Variants in CACNA2D3 observed in about 807,000 individuals in gnomAD.
CACNA2D3 encodes voltage-dependent calcium channel subunit alpha-2/delta-3.
A neutral mutation model predicts 160.6 loss-of-function variants in CACNA2D3; 60 were observed. The ratio of observed to expected loss-of-function variants is 0.37; its 90% CI spans 0.30 to 0.46. The LOEUF is 0.46. Ranked by LOEUF, CACNA2D3 falls within the 20% of genes least tolerant of loss-of-function variation. The pLI is 1.00. For synonymous variants in CACNA2D3, 558 were observed against 492.9 expected (o/e 1.13, Z -1.75); for missense variants, 1,205 against 1,365.0 (o/e 0.88, Z 1.85).
intron 2 of CACNA2D3, among the ~76,000 whole-genome samples, chr3:54,130,730 A>T (rs1281989529): frequency 1.3e-5 from 2 of 152,216 alleles, no homozygotes; most frequent in Non-Finnish European, 2.9e-5. Flanking sequence ...TTCTGACCTT[A>T]GTTCCTATTT....
At chr3:55,025,565 C>T (rs529585783) in intron 35 of CACNA2D3, among the ~76,000 whole-genome samples, 5 of 132,614 alleles carry the variant, frequency 3.8e-5, no homozygotes, top group South Asian at 5.1e-4. Context: ...ACCCAGGAGG[C>T]GGAGGTTGCA....
intron 2 of CACNA2D3, among the ~76,000 whole-genome samples, chr3:54,315,070 G>A (rs1703830723): frequency 6.6e-6 from 1 of 152,208 alleles, no homozygotes; most frequent in South Asian, 2.1e-4. Context: ...ACAGCTGTGT[G>A]GAGAGGCAAA....
intron 2 of CACNA2D3, among the ~76,000 whole-genome samples, chr3:54,273,349 T>C (rs1168712931): frequency 1.3e-5 from 2 of 152,180 alleles, no homozygotes; most frequent in East Asian, 1.9e-4. Context: ...TCCCTCTCCT[T>C]CTTTGTCTCT....
At chr3:54,403,840 A>G (rs1047680967) in intron 4 of CACNA2D3, among the ~76,000 whole-genome samples, 1 of 152,202 alleles carries the variant, frequency 6.6e-6, no homozygotes, top group Non-Finnish European at 1.5e-5. Flanking sequence ...AAAAAGCTTC[A>G]TAAGTAACTA....
At chr3:54,159,000 G>A (rs775007169) in intron 2 of CACNA2D3, among the ~76,000 whole-genome samples, 11 of 152,204 alleles carry the variant, frequency 7.2e-5, no homozygotes, top group Non-Finnish European at 1.0e-4. Flanking sequence ...TAAGAGTCAC[G>A]TGTCTGTTCA....
intron 2 of CACNA2D3, among the ~76,000 whole-genome samples, chr3:54,295,520 G>A (rs1270777879): frequency 6.6e-6 from 1 of 152,194 alleles, no homozygotes; most frequent in African/African-American, 2.4e-5. Context: ...CCTTGGTTCA[G>A]TCTGGAAAGA....
intron 27 of CACNA2D3, chr3:54,925,367 G>T: frequency 1.6e-6 from 1 of 644,238 alleles, no homozygotes; most frequent in East Asian, 2.7e-5. Flanking sequence ...ACCGTCTTTA[G>T]TAGAGCCAGG....
At chr3:54,947,516 A>G (rs1701645089) in intron 27 of CACNA2D3, among the ~76,000 whole-genome samples, 1 of 152,068 alleles carries the variant, frequency 6.6e-6, no homozygotes, top group Admixed American at 6.5e-5. Flanking sequence ...GAGAACCTAT[A>G]CTGTTGAGTC....
At chr3:54,284,198 C>T (rs1350233626) in intron 2 of CACNA2D3, among the ~76,000 whole-genome samples, 1 of 152,086 alleles carries the variant, frequency 6.6e-6, no homozygotes, top group Admixed American at 6.5e-5. Flanking sequence ...AGCACACCAA[C>T]ATGGCACATG....
chr3:54,765,737 A>G (rs1422213037), intron 13 of CACNA2D3, among the ~76,000 whole-genome samples: 1 of 152,208 alleles, frequency 6.6e-6, no homozygotes, highest in African/African-American at 2.4e-5. Context: ...TATAAGACAC[A>G]GTTTCTACAA....
At chr3:54,674,126 A>G (rs997136995) in intron 11 of CACNA2D3, among the ~76,000 whole-genome samples, 1 of 152,210 alleles carries the variant, frequency 6.6e-6, no homozygotes, top group Non-Finnish European at 1.5e-5. Flanking sequence ...TGTTGAAACT[A>G]TTTGGGAGCA....
At chr3:54,790,235 T>C (rs1010522846) in intron 13 of CACNA2D3, among the ~76,000 whole-genome samples, 1 of 152,180 alleles carries the variant, frequency 6.6e-6, no homozygotes, top group Non-Finnish European at 1.5e-5. Flanking sequence ...TAATGATAGA[T>C]ACTGCCTGGC....
chr3:54,573,485 A>G lies in CACNA2D3; in HGVS notation c.888+3381A>G, dbSNP rs148343096. ...AGTCTTTTCGCAAAAATGGATTCAT[A>G]TTTTACAGAATATTCAGCAACTCTT... is the stretch of plus-strand genomic sequence containing the variant. On this transcript the variant is annotated intron_variant, in intron 8 of 37. Coordinates refer to ENST00000474759, the MANE Select transcript of CACNA2D3 (RefSeq NM_018398.3). Among the ~76,000 whole-genome samples the G allele has an allele frequency of 5.0e-3, 765 of 152,314 alleles. 24 individuals carry two copies. Among genetic ancestry groups the G allele is most frequent in the Admixed American group, 0.044 (668 of 15,300 alleles).
chr3:54,898,904 GCT>G (rs1045663563), intron 26 of CACNA2D3, among the ~76,000 whole-genome samples: 1 of 152,188 alleles, frequency 6.6e-6, no homozygotes, highest in Admixed American at 6.5e-5. Context: ...CTGTGGTGGA[GCT>G]CTCTCTGATT....
intron 2 of CACNA2D3, among the ~76,000 whole-genome samples, chr3:54,133,336 C>T (rs1179031227): frequency 1.3e-5 from 2 of 152,280 alleles, no homozygotes; most frequent in Non-Finnish European, 2.9e-5. Context: ...TAACTTTGCC[C>T]CAGGCTACAT....
chr3:55,073,981 A>T, intron 37 of CACNA2D3, 122 bp downstream of exon 37: 3 of 1,073,742 alleles, frequency 2.8e-6, no homozygotes, highest in Non-Finnish European at 4.3e-6. Context: ...TCATTCAGTA[A>T]ACTGAATCTG....
chr3:54,282,096 G>A (rs567451782), intron 2 of CACNA2D3, among the ~76,000 whole-genome samples: 63 of 152,282 alleles, frequency 4.1e-4, no homozygotes, highest in African/African-American at 1.4e-3. Flanking sequence ...TTTGTAAAAG[G>A]CACTTCTTCA....
Position 54,333,044 on chromosome 3 carries a change from G to A in CACNA2D3, c.321+12486G>A, listed in dbSNP as rs1575400496. Among the ~76,000 whole-genome samples, 5 of 152,266 alleles carry A rather than the reference G, an allele frequency of 3.3e-5. No individual in the cohort carries two copies. The South Asian group carries it at 1.0e-3, about 32-fold the overall frequency. ...AGAAGGAACAGCACATGTGAAGCTG[G>A]AGAGGAAGTAGAATGTGGGACCAGT... On this transcript the variant is annotated intron_variant, in intron 3 of 37. Coordinates refer to ENST00000474759, the MANE Select transcript of CACNA2D3 (RefSeq NM_018398.3).
At chr3:54,789,401 G>T (rs1379075658) in intron 13 of CACNA2D3, among the ~76,000 whole-genome samples, 1 of 152,158 alleles carries the variant, frequency 6.6e-6, no homozygotes, top group Non-Finnish European at 1.5e-5. Flanking sequence ...CTGAAACTTT[G>T]AGCAGCATGA....
Sources: allele counts gnomAD v4.1 joint callset (sites outside exome capture counted in the v4.1 genomes callset), GRCh38; gene constraint gnomAD v4.1.1; transcripts MANE v1.5; gene names NCBI Gene and HGNC (gene_info 2026-07-23, HGNC 2026-07-21).